Variants in CTPS1 observed in about 807,000 individuals in gnomAD.
The protein encoded by CTPS1 is CTP synthase 1, also known as CTP synthetase 1.
In CTPS1, 25 loss-of-function variants were observed where a neutral mutation model predicts 80.5. That is an observed-to-expected ratio of 0.31 (90% CI 0.23 to 0.43). The LOEUF (loss-of-function observed/expected upper bound fraction) is 0.43, where lower values mean the gene tolerates loss of function less well. Ranked by LOEUF, CTPS1 falls within the 20% of genes least tolerant of loss-of-function variation. The pLI is 1.00. For missense variants in CTPS1, 442 were observed against 725.7 expected, an observed-to-expected ratio of 0.61 and a Z score of 4.49; for synonymous variants, 267 against 252.5, an observed-to-expected ratio of 1.06 and a Z score of -0.54.
chr1:41,000,846 T>A (rs1466976392), intron 9 of CTPS1, 183 bp from the exon 10 acceptor site: 3 of 333,078 alleles, frequency 9.0e-6, no homozygotes, highest in Non-Finnish European at 1.6e-5. Context: ...ACCTCATATT[T>A]AAAAAATGTT....
chr1:41,010,309 A>T (rs1643139136), intron 18 of CTPS1, 55 bp downstream of exon 18: 2 of 1,236,398 alleles, frequency 1.6e-6, no homozygotes, highest in Admixed American at 3.7e-5. Flanking sequence ...ACACACTGCG[A>T]TTGCAAGAAT....
At chr1:40,990,502 A>T (rs1642575422) in intron 5 of CTPS1, among the ~76,000 whole-genome samples, 1 of 152,124 alleles carries the variant, frequency 6.6e-6, no homozygotes, top group African/African-American at 2.4e-5. Flanking sequence ...ATTCTAGTGG[A>T]GGCTGAGCAT....
chr1:41,010,126 T>C, intron 17 of CTPS1, 35 bp from the exon 18 acceptor site: 1 of 1,504,322 alleles, frequency 6.6e-7, no homozygotes, highest in Non-Finnish European at 9.2e-7. Flanking sequence ...GAGTTTTTGG[T>C]GGGAGATGAT....
chr1:40,987,448 G>A lies in CTPS1; in HGVS notation c.414G>A (p.Leu138=), dbSNP rs772244024. 1.9e-6 allele frequency: 3 copies of A among 1,613,070 alleles called. No individual in the cohort carries two copies. In the African/African-American group the frequency reaches 4.0e-5, roughly 22 times the overall value. ...QALIPVDEDG[L]EPQVCVIELG... Reference sequence around the variant, plus strand: ...TAATACCTGTAGATGAAGATGGCCTGGAACCTCAAGTGTGTGTTATTGAGG... The same window carrying A: ...TAATACCTGTAGATGAAGATGGCCTAGAACCTCAAGTGTGTGTTATTGAGG... The change falls in exon 4 of 19, where the codon CTG becomes CTA. Residue 138 remains leucine, a synonymous_variant. Coordinates refer to ENST00000650070, the MANE Select transcript of CTPS1 (RefSeq NM_001905.4).
At chr1:40,983,128 C>T in intron 1 of CTPS1, 150 bp from the exon 2 acceptor site, 1 of 591,640 alleles carries the variant, frequency 1.7e-6, no homozygotes. Context: ...CCTATTTAAA[C>T]CTGACGAGAA....
chr1:41,003,972 C>T (rs1012465656), intron 12 of CTPS1: 1 of 152,264 alleles, frequency 6.6e-6, no homozygotes, highest in Non-Finnish European at 1.5e-5. Context: ...CCCAAGCTTC[C>T]TCACACAGGG....
chr1:40,991,311 A>G (rs1642605456), intron 6 of CTPS1, 63 bp downstream of exon 6: 1 of 1,260,038 alleles, frequency 7.9e-7, no homozygotes, highest in Admixed American at 2.4e-5. Flanking sequence ...TCACTCTATC[A>G]TGACAGACAA....
chr1:40,990,429 T>C (rs576090004), intron 5 of CTPS1, among the ~76,000 whole-genome samples: 5 of 152,286 alleles, frequency 3.3e-5, no homozygotes, highest in South Asian at 4.2e-4. Context: ...AGAATCATTG[T>C]GCCACTGGAC....
At chr1:40,996,166 C>T in intron 8 of CTPS1, 98 bp downstream of exon 8, 2 of 1,315,850 alleles carry the variant, frequency 1.5e-6, no homozygotes, top group Non-Finnish European at 2.1e-6. Flanking sequence ...TACTTTTGCA[C>T]TTCTGCCATC....
Position 41,009,589 on chromosome 1 carries a change from G to C in CTPS1, c.1691G>C (p.Arg564Thr). The change falls in exon 17 of 19, where the codon AGG becomes ACG. Residue 564 changes from arginine to threonine, a missense_variant and splice_region_variant. Arg to Thr is a moderately conservative substitution (Grantham distance 71). Around this residue, in one of 4 missense-constraint regions of CTPS1, gnomAD observed 321 missense variants for 467.2 expected, o/e 0.69. Coordinates refer to ENST00000650070, the MANE Select transcript of CTPS1 (RefSeq NM_001905.4). ...YLQKGCRLSP[R>T]DTYSDRSGSS... Reference sequence around the variant, plus strand: ...CAGAAAGGCTGCAGGCTCTCACCCAGGTAGGCGCACTCTTTGCTTCAGTAA... The same window carrying C: ...CAGAAAGGCTGCAGGCTCTCACCCACGTAGGCGCACTCTTTGCTTCAGTAA... 1 of 1,614,024 alleles carries C rather than the reference G, an allele frequency of 6.2e-7. No individual in the cohort carries two copies. The highest frequency in any genetic ancestry group is 8.5e-7 in the Non-Finnish European group (1 of 1,180,016).
intron 1 of CTPS1, among the ~76,000 whole-genome samples, chr1:40,982,365 AGTT>A (rs976892889): frequency 6.6e-6 from 1 of 151,660 alleles, no homozygotes; most frequent in South Asian, 2.1e-4. Context: ...ACAAGGAGCA[AGTT>A]GTTGTTAAAT....
intron 10 of CTPS1, among the ~76,000 whole-genome samples, 179 bp downstream of exon 10, chr1:41,001,296 T>C (rs1642897636): frequency 6.6e-6 from 1 of 152,236 alleles, no homozygotes; most frequent in African/African-American, 2.4e-5. Context: ...TCAATATCAT[T>C]GGATCTGAAA....
intron 17 of CTPS1, 92 bp downstream of exon 17, chr1:41,009,681 A>C: frequency 1.3e-6 from 2 of 1,493,384 alleles, no homozygotes; most frequent in African/African-American, 1.4e-5. Context: ...ACAGTCAGTC[A>C]TAAGAAAAAA....
At position 41,009,428 on chromosome 1, in the gene CTPS1, T is replaced by C. The variant is rs1643114102; in HGVS notation, c.1547-17T>C. ...AACCTTCACAATGAAGCTGTTTCTT[T>C]TGAATCTCTATTTCAGATCATCCCT... On this transcript the variant is annotated splice_polypyrimidine_tract_variant and intron_variant, in intron 16 of 18. Transcript: ENST00000650070. The C allele has an allele frequency of 6.5e-7, 1 of 1,542,528 alleles. No homozygotes were observed. Among genetic ancestry groups the C allele is most frequent in the Non-Finnish European group, 8.7e-7 (1 of 1,148,058 alleles).
At chr1:40,992,373 T>G (rs138629939) in intron 7 of CTPS1, among the ~76,000 whole-genome samples, 2 of 152,266 alleles carry the variant, frequency 1.3e-5, no homozygotes, top group Non-Finnish European at 2.9e-5. Flanking sequence ...ATGTGTGGTG[T>G]GTATCTCCCT....
chr1:40,999,685 G>C (rs769836704), intron 9 of CTPS1, among the ~76,000 whole-genome samples: 1 of 152,178 alleles, frequency 6.6e-6, no homozygotes, highest in African/African-American at 2.4e-5. Flanking sequence ...TCCATTCCCA[G>C]ATACTCACTT....
intron 1 of CTPS1, chr1:40,981,196 A>G (rs1288142119): frequency 1.3e-5 from 2 of 152,234 alleles, no homozygotes; most frequent in Non-Finnish European, 2.9e-5. Flanking sequence ...AAATCTGATT[A>G]ATGTTTGCAG....
chr1:41,001,012 G>A lies in CTPS1; in HGVS notation c.1006-17G>A, dbSNP rs1414655536. The A allele has an allele frequency of 3.2e-6, 5 of 1,561,018 alleles. No homozygotes were observed. The highest frequency in any genetic ancestry group is 3.5e-6 in the Non-Finnish European group (4 of 1,152,282). Reference sequence around the variant, plus strand: ...GGTCACGAGCCTGCTTTTCTCCCCTGTCTGAATAACATCCAGTACATAGAT... The same window carrying A: ...GGTCACGAGCCTGCTTTTCTCCCCTATCTGAATAACATCCAGTACATAGAT... On this transcript the variant is annotated splice_polypyrimidine_tract_variant and intron_variant, in intron 9 of 18. Transcript: ENST00000650070.
intron 5 of CTPS1, among the ~76,000 whole-genome samples, chr1:40,989,792 T>C (rs1459038895): frequency 2.0e-5 from 3 of 152,044 alleles, no homozygotes; most frequent in African/African-American, 7.2e-5. Context: ...CTGGATGCTA[T>C]AAGAAAGAAA....
Sources: allele counts gnomAD v4.1 joint callset (sites outside exome capture counted in the v4.1 genomes callset), GRCh38; gene constraint gnomAD v4.1.1; regional missense constraint gnomAD v4.1.1; transcripts MANE v1.5; gene names NCBI Gene and HGNC (gene_info 2026-07-23, HGNC 2026-07-21).